Variants in USH2A observed in about 807,000 individuals in gnomAD.
USH2A encodes Usher syndrome 2A (autosomal recessive, mild).
A neutral mutation model predicts 538.9 loss-of-function variants in USH2A; 443 were observed. The ratio of observed to expected loss-of-function variants is 0.82; its 90% CI spans 0.76 to 0.89. The LOEUF (loss-of-function observed/expected upper bound fraction) is 0.89. Ranked by LOEUF, USH2A falls within the 40% of genes least tolerant of loss-of-function variation. The pLI is 0.00. For missense variants in USH2A, 6,633 were observed against 6,324.8 expected (o/e 1.05, Z -1.65); for synonymous variants, 2,413 against 2,273.5 (o/e 1.06, Z -1.75).
At chr1:216,252,026 A>G (rs1044030468) in intron 11 of USH2A, among the ~76,000 whole-genome samples, 6 of 152,318 alleles carry the variant, frequency 3.9e-5, no homozygotes, top group Non-Finnish European at 8.8e-5. Context: ...TATTGTGATA[A>G]GAAATTCCAA....
rs747696611 is a variant in USH2A at position 215,680,337 on chromosome 1, A to G, written c.12106T>C (p.Phe4036Leu). 5 of 1,613,968 alleles carry G rather than the reference A, an allele frequency of 3.1e-6. No homozygotes were observed. Among genetic ancestry groups the G allele is most frequent in the South Asian group, 1.1e-5 (1 of 91,084 alleles). The change falls in exon 62 of 72, where the codon TTC becomes CTC. Residue 4036 changes from phenylalanine to leucine, a missense_variant. Transcript: ENST00000307340. ...HQAHLYGLEP[F>L]TTYRIGVVAA... ...ACAACACCAATGCGATATGTTGTGA[A>G]TGGTTCTAACCCGTACAGGTGGGCT... is the stretch of plus-strand genomic sequence containing the variant.
chr1:215,680,371 T>C lies in USH2A; in HGVS notation c.12072A>G (p.Thr4024=). ...ACCCGTACAGGTGGGCTTGATGGCT[T>C]GTTCCCTGTAAGAAAATTAACAGGT... ...PTVHAFTVKG[T]SHQAHLYGLE... is the part of the protein sequence containing the mutation. The change falls in exon 62 of 72, where the codon ACA becomes ACG. Residue 4024 remains threonine, a synonymous_variant. Transcript: ENST00000307340. The C allele has an allele frequency of 6.2e-7, 1 of 1,612,604 alleles. No homozygotes were observed. The highest frequency in any genetic ancestry group is 8.5e-7 in the Non-Finnish European group (1 of 1,179,772).
At chr1:215,832,799 TCTTTGTAGAAGATCTATATAGA>T (rs1230798677) in intron 47 of USH2A, among the ~76,000 whole-genome samples, 1 of 151,916 alleles carries the variant, frequency 6.6e-6, no homozygotes, top group Non-Finnish European at 1.5e-5. Context: ...AAACAGTTTC[TCTTTGTAGAAGATCTATATAGA>T]CTAGGGAATT....
At chr1:216,197,056 G>T (rs1195160634) in intron 18 of USH2A, among the ~76,000 whole-genome samples, 1 of 152,008 alleles carries the variant, frequency 6.6e-6, no homozygotes, top group African/African-American at 2.4e-5. Flanking sequence ...CACAAAAATA[G>T]AACATCTCAG....
Position 215,728,272 on chromosome 1 carries a change from C to G in USH2A, c.11824G>C (p.Val3942Leu), listed in dbSNP as rs1659890930. The change falls in exon 61 of 72, where the codon GTC (valine) becomes CTC (leucine). Residue 3942 changes from valine (V) to leucine (L), a missense_variant. Val to Leu is a conservative substitution (Grantham distance 32). Coordinates refer to ENST00000307340, the MANE Select transcript of USH2A (RefSeq NM_206933.4). ...GAACCCTTGGAGTTACAGGCTCTGA[C>G]CCGATATTCGTAGAGTGTGAAAGGC... Reference protein sequence around the residue: ...LRPFTLYEYRVRACNSKGSVE... With the variant: ...LRPFTLYEYRLRACNSKGSVE... 4.3e-6 allele frequency: 7 copies of G among 1,614,100 alleles called. No individual in the cohort carries two copies. Among genetic ancestry groups the G allele is most frequent in the Non-Finnish European group, 5.9e-6 (7 of 1,180,016 alleles).
At chr1:215,690,046 T>C (rs1265218528) in intron 61 of USH2A, among the ~76,000 whole-genome samples, 2 of 152,240 alleles carry the variant, frequency 1.3e-5, no homozygotes, top group Non-Finnish European at 2.9e-5. Flanking sequence ...AGTAAATCAG[T>C]GGCCATTACT....
intron 19 of USH2A, among the ~76,000 whole-genome samples, chr1:216,192,424 G>C (rs2102657308): frequency 6.6e-6 from 1 of 152,136 alleles, no homozygotes; most frequent in South Asian, 2.1e-4. Context: ...CAGTGCAGTG[G>C]CTCATGCCTG....
rs751176116 is a variant in USH2A, at chr1:215,900,144, GA to G, written c.7524del (p.Arg2509GlyfsTer19). On this transcript the variant is annotated frameshift_variant, in exon 40 of 72. Coordinates refer to ENST00000307340, the MANE Select transcript of USH2A (RefSeq NM_206933.4). LOFTEE classifies it high-confidence loss of function. ...CCAAATCCATTGGAGGCAACCAACC[GA>G]AACATATACTCTGTGTACGGTTGGA... ...SDLQPYTEYM[F>X]RLVASNGFGS... 6.2e-6 allele frequency: 10 copies of G among 1,613,716 alleles called. No individual in the cohort carries two copies. The highest frequency in any genetic ancestry group is 8.5e-6 in the Non-Finnish European group (10 of 1,179,786).
At chr1:216,297,468 G>A (rs1200359796) in intron 9 of USH2A, among the ~76,000 whole-genome samples, 4 of 151,986 alleles carry the variant, frequency 2.6e-5, no homozygotes, top group Non-Finnish European at 5.9e-5. Flanking sequence ...AGGATAAGTG[G>A]TAATATATAA....
At chr1:216,295,107 G>A (rs972849129) in intron 9 of USH2A, among the ~76,000 whole-genome samples, 1 of 151,668 alleles carries the variant, frequency 6.6e-6, no homozygotes, top group Non-Finnish European at 1.5e-5. Context: ...TGTCTATAAT[G>A]TTGCAGCTTT....
In USH2A at chr1:216,219,228, T is replaced by C. The variant is rs563398252; in HGVS notation, c.2994-1678A>G. Among the ~76,000 whole-genome samples the C allele has an allele frequency of 2.1e-4, 32 of 152,218 alleles. 1 individual carries two copies. The South Asian group carries it at 6.6e-3, about 32-fold the overall frequency. On this transcript the variant is annotated intron_variant, in intron 14 of 71. Coordinates refer to ENST00000307340, the MANE Select transcript of USH2A (RefSeq NM_206933.4). ...TTGAGCAATTAAATGTGTCTATTCTTGATTTTATAGTCTCTTATCCAAGCC... is the reference window on the plus strand; with the variant it reads ...TTGAGCAATTAAATGTGTCTATTCTCGATTTTATAGTCTCTTATCCAAGCC...
intron 4 of USH2A, among the ~76,000 whole-genome samples, chr1:216,339,200 A>T (rs1363735178): frequency 6.6e-6 from 1 of 151,682 alleles, no homozygotes; most frequent in East Asian, 1.9e-4. Context: ...ACAAAATATC[A>T]AAATGGGTAA....
intron 51 of USH2A, among the ~76,000 whole-genome samples, chr1:215,789,704 C>T (rs1011664286): frequency 1.3e-5 from 2 of 152,036 alleles, no homozygotes; most frequent in African/African-American, 2.4e-5. Context: ...GGAGAAGAAG[C>T]GGGAATTTCC....
At chr1:216,284,308 G>A (rs2036841239) in intron 11 of USH2A, among the ~76,000 whole-genome samples, 1 of 151,954 alleles carries the variant, frequency 6.6e-6, no homozygotes, top group African/African-American at 2.4e-5. Flanking sequence ...AATCATGAGG[G>A]GCAGTTTCTC....
At chr1:215,836,446 T>C (rs1663486563) in intron 47 of USH2A, among the ~76,000 whole-genome samples, 1 of 82,376 alleles carries the variant, frequency 1.2e-5, no homozygotes, top group Non-Finnish European at 2.4e-5. Context: ...TTGCCTTCTA[T>C]GTGTGTGTGT....
At chr1:215,981,626 TA>T (rs1354425422) in intron 35 of USH2A, among the ~76,000 whole-genome samples, 1 of 152,148 alleles carries the variant, frequency 6.6e-6, no homozygotes, top group Non-Finnish European at 1.5e-5. Flanking sequence ...AACTATTGGC[TA>T]AACACTCCTT....
At chr1:215,750,715 C>G (rs947918277) in intron 58 of USH2A, among the ~76,000 whole-genome samples, 1 of 152,124 alleles carries the variant, frequency 6.6e-6, no homozygotes, top group South Asian at 2.1e-4. Context: ...AGTTTTGAGT[C>G]AGACTTGGAC....
chr1:215,916,881 G>T (rs1188439801), intron 38 of USH2A, among the ~76,000 whole-genome samples: 1 of 152,068 alleles, frequency 6.6e-6, no homozygotes, highest in Non-Finnish European at 1.5e-5. Flanking sequence ...TGTGGTTTAA[G>T]ATTAAAGAAT....
chr1:215,933,403 A>T (rs1666411606), intron 38 of USH2A, among the ~76,000 whole-genome samples: 1 of 152,006 alleles, frequency 6.6e-6, no homozygotes, highest in Non-Finnish European at 1.5e-5. Flanking sequence ...TGTCTCAATA[A>T]ATATGATACT....
Sources: gnomAD v4.1 joint callset for allele counts (sites outside exome capture counted in the v4.1 genomes callset) on GRCh38, gnomAD v4.1.1 for gene constraint, MANE v1.5 for transcripts, NCBI Gene and HGNC (gene_info 2026-07-23, HGNC 2026-07-21) for gene names.